The following KIF6 variants were observed in gnomAD, a reference collection of about 807,000 sequenced individuals.
KIF6 encodes kinesin family member 6.
Under a neutral mutation model 112.7 loss-of-function variants are expected in KIF6, and 106 were observed. The observed-to-expected ratio is 0.94, with a 90% CI of 0.80 to 1.11. The LOEUF (loss-of-function observed/expected upper bound fraction) is 1.11. Ranked by LOEUF, KIF6 falls within the 50% of genes least tolerant of loss-of-function variation. KIF6 has a pLI of 0.00. For missense variants in KIF6, 929 were observed against 964.0 expected, an observed-to-expected ratio of 0.96 and a Z score of 0.48; for synonymous variants, 339 against 339.9, an observed-to-expected ratio of 1.00 and a Z score of 0.03.
intron 13 of KIF6, among the ~76,000 whole-genome samples, chr6:39,519,792 C>T (rs1232732546): frequency 6.6e-6 from 1 of 151,926 alleles, no homozygotes; most frequent in South Asian, 2.1e-4. Flanking sequence ...GAGGCCAAGG[C>T]GGGTGGATCA....
chr6:39,447,828 T>C (rs1211612680), intron 13 of KIF6, among the ~76,000 whole-genome samples: 2 of 152,210 alleles, frequency 1.3e-5, no homozygotes, highest in Admixed American at 6.5e-5. Flanking sequence ...CCATCCCCTA[T>C]ACTCCACTGA....
chr6:39,715,038 T>A (rs887375614), intron 2 of KIF6: 12 of 289,010 alleles, frequency 4.2e-5, no homozygotes, highest in Non-Finnish European at 7.1e-5. Context: ...TAACAAATTG[T>A]GTGCTTTTTA....
intron 9 of KIF6, chr6:39,583,330 C>A: frequency 2.2e-6 from 1 of 464,848 alleles, no homozygotes; most frequent in South Asian, 1.6e-5. Context: ...AGTTCAGTTC[C>A]ACCTGAATCT....
intron 3 of KIF6, among the ~76,000 whole-genome samples, chr6:39,657,986 T>G (rs953646989): frequency 2.0e-5 from 3 of 152,238 alleles, no homozygotes; most frequent in African/African-American, 7.2e-5. Flanking sequence ...TTTTAGCATC[T>G]GTCTAGCAGA....
At chr6:39,346,108 T>TCCCC (rs1562113145) in intron 20 of KIF6, among the ~76,000 whole-genome samples, 1 of 24,016 alleles carries the variant, frequency 4.2e-5, no homozygotes, top group African/African-American at 2.5e-4. Flanking sequence ...CCTCCCCCCC[T>TCCCC]CCCTCTCCCT....
At chr6:39,454,544 A>C (rs911896489) in intron 13 of KIF6, among the ~76,000 whole-genome samples, 1 of 151,740 alleles carries the variant, frequency 6.6e-6, no homozygotes, top group Admixed American at 6.6e-5. Flanking sequence ...AAAAAAAAAA[A>C]AAAAAAAAGA....
At chr6:39,352,147 G>T (rs1359606260) in intron 19 of KIF6, among the ~76,000 whole-genome samples, 1 of 152,220 alleles carries the variant, frequency 6.6e-6, no homozygotes, top group Non-Finnish European at 1.5e-5. Context: ...TAAGTTTACA[G>T]AAAATTGAGC....
intron 9 of KIF6, among the ~76,000 whole-genome samples, chr6:39,584,665 A>ATTAGCAC (rs1455752731): frequency 1.3e-5 from 2 of 152,026 alleles, no homozygotes; most frequent in East Asian, 3.9e-4. Context: ...TCTGCTACTT[A>ATTAGCAC]TTAGCACTTA....
chr6:39,686,112 TAAAC>T (rs1322362588), intron 3 of KIF6, among the ~76,000 whole-genome samples: 4 of 152,190 alleles, frequency 2.6e-5, no homozygotes, highest in Non-Finnish European at 5.9e-5. Context: ...TTGATGAAAA[TAAAC>T]AAAAGAGCTC....
At chr6:39,631,116 T>C (rs77125143) in intron 5 of KIF6, among the ~76,000 whole-genome samples, 2,011 of 152,178 alleles carry the variant, frequency 0.013, 44 homozygotes, top group African/African-American at 0.046. Context: ...ACAAGAGATA[T>C]TAGTCCGTAG....
Position 39,360,520 on chromosome 6 carries a change from T to C in KIF6, c.1957A>G (p.Met653Val). 1.2e-6 allele frequency: 2 copies of C among 1,614,200 alleles called. No individual in the cohort carries two copies. The highest frequency in any genetic ancestry group is 1.7e-6 in the Non-Finnish European group (2 of 1,180,034). Residue 653 changes from methionine to valine, a missense_variant, in exon 18 of 23, where the codon ATG becomes GTG. Coordinates refer to ENST00000287152, the MANE Select transcript of KIF6 (RefSeq NM_145027.6). ...LEEEKRRYKT[M>V]FTRLKALKVE... ...TTCAGGGCTTTCAGGCGAGTGAACA[T>C]TGTTTTATACCTGCGGTGGAATCGG...
intron 18 of KIF6, among the ~76,000 whole-genome samples, chr6:39,358,950 C>T (rs116109889): frequency 0.017 from 2,576 of 152,172 alleles, 31 homozygotes; most frequent in Middle Eastern, 0.024. Flanking sequence ...TTAATTAGTG[C>T]GTTTTAAAAG....
intron 13 of KIF6, among the ~76,000 whole-genome samples, chr6:39,457,303 A>C (rs1773186812): frequency 6.7e-6 from 1 of 149,290 alleles, no homozygotes; most frequent in Non-Finnish European, 1.5e-5. Context: ...GCAGAAATAA[A>C]GATGTTCTTT....
rs1405820583 is a variant in KIF6, at chr6:39,540,019, C to T, written c.1629G>A (p.Leu543=). The T allele has an allele frequency of 1.2e-6, 2 of 1,604,180 alleles. No homozygotes were observed. Among genetic ancestry groups the T allele is most frequent in the East Asian group, 4.5e-5 (2 of 44,782 alleles). Residue 543 remains leucine, a synonymous_variant, in exon 13 of 23, where the codon TTG becomes TTA. Transcript: ENST00000287152. ...DFSILGKRSS[L]LHKKIGMREE... is the part of the protein sequence containing the mutation. Reference sequence around the variant, plus strand: ...TCAACTGACCTATTTTCTTGTGGAGCAAACTGGATCTTTTCCCCAAAATGC... The same window carrying T: ...TCAACTGACCTATTTTCTTGTGGAGTAAACTGGATCTTTTCCCCAAAATGC...
At chr6:39,675,972 C>G (rs1295474025) in intron 3 of KIF6, among the ~76,000 whole-genome samples, 1 of 149,926 alleles carries the variant, frequency 6.7e-6, no homozygotes, top group African/African-American at 2.5e-5. Context: ...TTTTCAAAGT[C>G]TAAGGGATAA....
chr6:39,494,887 C>T (rs1581977331), intron 13 of KIF6, among the ~76,000 whole-genome samples: 2 of 152,020 alleles, frequency 1.3e-5, no homozygotes, highest in African/African-American at 4.8e-5. Flanking sequence ...AGCAGGGTAG[C>T]TGCAGGATCA....
chr6:39,365,804 A>G (rs918977419), intron 16 of KIF6, among the ~76,000 whole-genome samples: 1 of 152,214 alleles, frequency 6.6e-6, no homozygotes. Flanking sequence ...CAAGCCCAGT[A>G]CGTGAGAGAC....
chr6:39,443,155 A>AT (rs1491190084), intron 13 of KIF6, among the ~76,000 whole-genome samples: 127 of 123,312 alleles, frequency 1.0e-3, no homozygotes, highest in African/African-American at 2.4e-3. Flanking sequence ...AATAATAATA[A>AT]TAATAAATAA....
intron 5 of KIF6, among the ~76,000 whole-genome samples, chr6:39,632,809 G>A (rs1016638249): frequency 4.0e-5 from 6 of 151,784 alleles, no homozygotes; most frequent in Admixed American, 2.0e-4. Flanking sequence ...TTTAATAGAG[G>A]TGGGGTTTCA....
Sources: allele counts gnomAD v4.1 joint callset (sites outside exome capture counted in the v4.1 genomes callset), GRCh38; gene constraint gnomAD v4.1.1; transcripts MANE v1.5; gene names NCBI Gene and HGNC (gene_info 2026-07-23, HGNC 2026-07-21).